KLF12: variants seen among roughly 807,000 people sequenced by gnomAD.
The protein encoded by KLF12 is KLF transcription factor 12.
In KLF12, 9 loss-of-function variants were observed where a neutral mutation model predicts 37.8. The observed-to-expected ratio is 0.24, with a 90% CI of 0.14 to 0.42. KLF12 has a LOEUF of 0.42. Among genes scored for constraint, KLF12 ranks in the 10% least tolerant of loss-of-function variants. The pLI is 1.00. For synonymous variants in KLF12, 208 were observed against 202.1 expected (o/e 1.03, Z -0.25); for missense variants, 411 against 516.0 (o/e 0.80, Z 1.97).
the KLF12 span, among the ~76,000 whole-genome samples, chr13:74,292,911 C>T: frequency 4.6e-5 from 7 of 152,244 alleles, no homozygotes; most frequent in East Asian, 5.8e-4. Flanking sequence ...TGCTTCTGAG[C>T]CCAGAGCCTA....
rs946515249 is a variant in KLF12, at chr13:73,691,021, T to C, written c.*4469A>G. 2 of 152,630 alleles carry C rather than the reference T, an allele frequency of 1.3e-5. No homozygotes were observed. Among genetic ancestry groups the C allele is most frequent in the Admixed American group, 6.5e-5 (1 of 15,278 alleles). 9.5% of individuals were successfully genotyped at this position (152,630 alleles called of 1,614,324 possible). A position where few individuals can be genotyped will look rare whatever the true frequency, so the allele number is the denominator to read the frequency against. ...GAAAATATAGCAATTTTTATGTACA[T>C]TTCTTAACTATAAAATGCAGGCAGA... On this transcript the variant is annotated 3_prime_UTR_variant, in exon 8 of 8. Transcript: ENST00000377669.
At chr13:73,705,039 GAAAATA>G (rs763278549) in intron 7 of KLF12, among the ~76,000 whole-genome samples, 54 of 152,148 alleles carry the variant, frequency 3.5e-4, no homozygotes, top group Middle Eastern at 6.8e-3. Context: ...ACATACTTTT[GAAAATA>G]AAAATATATT....
Position 73,939,115 on chromosome 13 carries a change from C to T in KLF12, c.123+4866G>A, listed in dbSNP as rs147115840. Among the ~76,000 whole-genome samples the T allele has an allele frequency of 2.1e-3, 313 of 152,294 alleles. 2 individuals carry two copies. In the Middle Eastern group the frequency reaches 0.024, roughly 12 times the overall value. ...CTGGTTCTACAGGAGAGAAGAGAGG[C>T]AGGATAACCAATGGCTTCAACACCC... is the stretch of plus-strand genomic sequence containing the variant. On this transcript the variant is annotated intron_variant, in intron 3 of 7. Coordinates refer to ENST00000377669, the MANE Select transcript of KLF12 (RefSeq NM_007249.5).
At chr13:74,047,896 T>C (rs758898035) in intron 1 of KLF12, among the ~76,000 whole-genome samples, 2 of 152,206 alleles carry the variant, frequency 1.3e-5, no homozygotes, top group Non-Finnish European at 2.9e-5. Context: ...AAAAGGACAG[T>C]GGCTTAGACA....
the KLF12 span, among the ~76,000 whole-genome samples, chr13:74,282,882 A>G: frequency 6.6e-6 from 1 of 152,152 alleles, no homozygotes; most frequent in Admixed American, 6.5e-5. Context: ...TACTGGCTAC[A>G]TGATTCATGA....
chr13:74,037,471 G>A (rs373377833), intron 1 of KLF12, among the ~76,000 whole-genome samples: 58 of 152,142 alleles, frequency 3.8e-4, no homozygotes, highest in African/African-American at 1.3e-3. Context: ...ATCCACAGCC[G>A]CCAATTAAAC....
chr13:73,738,124 T>TATACACAC (rs1305200790), intron 6 of KLF12, among the ~76,000 whole-genome samples: 4 of 81,906 alleles, frequency 4.9e-5, no homozygotes, highest in South Asian at 3.7e-4. Context: ...TATATATATA[T>TATACACAC]ACACACACAC....
chr13:74,011,048 T>G (rs561297774), intron 1 of KLF12, among the ~76,000 whole-genome samples: 1 of 152,172 alleles, frequency 6.6e-6, no homozygotes, highest in South Asian at 2.1e-4. Flanking sequence ...CTCCTTTTTA[T>G]TGCCTCTTTA....
At chr13:74,113,953 C>T (rs1285940260) in intron 1 of KLF12, among the ~76,000 whole-genome samples, 2 of 152,168 alleles carry the variant, frequency 1.3e-5, no homozygotes, top group Non-Finnish European at 2.9e-5. Flanking sequence ...CCAACCCTCA[C>T]GGATGACTTG....
At chr13:73,839,331 G>A (rs1353464399) in intron 4 of KLF12, among the ~76,000 whole-genome samples, 1 of 149,708 alleles carries the variant, frequency 6.7e-6, no homozygotes, top group African/African-American at 2.5e-5. Context: ...TCGAGCTCCT[G>A]AGCTCAAGCA....
At chr13:73,848,626 T>C (rs1243808691) in intron 3 of KLF12, among the ~76,000 whole-genome samples, 15 of 149,626 alleles carry the variant, frequency 1.0e-4, no homozygotes, top group East Asian at 1.9e-4. Context: ...TATAGCTATA[T>C]ATTTTAGCTA....
At chr13:74,177,307 T>C in the KLF12 span, among the ~76,000 whole-genome samples, 42,536 of 152,080 alleles carry the variant, frequency 0.28, 9,434 homozygotes, top group African/African-American at 0.62. Context: ...AAATTATATG[T>C]AAATTCAGAA....
At chr13:73,779,201 C>T (rs766633942) in intron 5 of KLF12, among the ~76,000 whole-genome samples, 20 of 152,062 alleles carry the variant, frequency 1.3e-4, no homozygotes, top group Non-Finnish European at 2.6e-4. Flanking sequence ...CCTCCTTTGA[C>T]CATGCCTTGG....
At chr13:73,710,378 CTGTGTGTGTGTGTGTGTGTGTGTG>C (rs59799453) in intron 7 of KLF12, among the ~76,000 whole-genome samples, 52 of 144,000 alleles carry the variant, frequency 3.6e-4, no homozygotes, top group Non-Finnish European at 6.4e-4. Context: ...AAGATATTGT[CTGTGTGTGTGTGTGTGTGTGTGTG>C]TGTGTGTGTG....
At chr13:73,824,266 T>A (rs776142390) in intron 4 of KLF12, among the ~76,000 whole-genome samples, 2 of 152,134 alleles carry the variant, frequency 1.3e-5, no homozygotes, top group African/African-American at 2.4e-5. Flanking sequence ...GCCATTGAGA[T>A]GAGCCCCGTA....
At chr13:73,848,600 T>G (rs1349748427) in intron 3 of KLF12, among the ~76,000 whole-genome samples, 1 of 148,408 alleles carries the variant, frequency 6.7e-6, no homozygotes, top group Non-Finnish European at 1.5e-5. Flanking sequence ...ATATAATACA[T>G]ATAGCATATA....
rs974303118 is a variant in KLF12, at chr13:73,773,044, AAGG to A, written c.807-8047_807-8045del. On this transcript the variant is annotated intron_variant, in intron 5 of 7. Coordinates refer to ENST00000377669, the MANE Select transcript of KLF12 (RefSeq NM_007249.5). ...ATCAAAGAAGCCAGTATAGGGAATA[AAGG>A]AGGAGGATCATGTTTCTGGATTAAA... Among the ~76,000 whole-genome samples, 20 of 152,282 alleles carry A rather than the reference AAGG, an allele frequency of 1.3e-4. No individual in the cohort carries two copies. The South Asian group carries it at 1.5e-3, about 11-fold the overall frequency.
chr13:74,019,570 G>C (rs774288028), intron 1 of KLF12, among the ~76,000 whole-genome samples: 1 of 152,102 alleles, frequency 6.6e-6, no homozygotes, highest in Non-Finnish European at 1.5e-5. Context: ...CTCTAACATC[G>C]TATGTTTAAA....
chr13:74,229,230 T>C, the KLF12 span, among the ~76,000 whole-genome samples: 4,598 of 152,272 alleles, frequency 0.03, 105 homozygotes, highest in Non-Finnish European at 0.043. Flanking sequence ...TGTGTGAAAT[T>C]ATAAGGGGGA....
Sources: allele counts gnomAD v4.1 joint callset (sites outside exome capture counted in the v4.1 genomes callset), GRCh38; gene constraint gnomAD v4.1.1; transcripts MANE v1.5; gene names NCBI Gene and HGNC (gene_info 2026-07-23, HGNC 2026-07-21).